Variants in SUMF1 observed in about 807,000 individuals in gnomAD.
SUMF1 encodes the protein sulfatase modifying factor 1.
In SUMF1, 48 loss-of-function variants were observed where a neutral mutation model predicts 47.6. The ratio of observed to expected loss-of-function variants is 1.01; its 90% confidence interval spans 0.80 to 1.28. The LOEUF (loss-of-function observed/expected upper bound fraction) is 1.28, where lower values mean the gene tolerates loss of function less well. Ranked by LOEUF, SUMF1 falls within the 50% of genes most tolerant of loss-of-function variation. SUMF1 has a pLI of 0.00. For synonymous variants in SUMF1, 230 were observed against 192.1 expected, an observed-to-expected ratio of 1.20 and a Z score of -1.63; for missense variants, 571 against 485.4, an observed-to-expected ratio of 1.18 and a Z score of -1.66.
intron 8 of SUMF1, among the ~76,000 whole-genome samples, chr3:4,147,300 C>T (rs1694218276): frequency 6.6e-6 from 1 of 152,086 alleles, no homozygotes; most frequent in South Asian, 2.1e-4. Flanking sequence ...TTTGACCCAG[C>T]CATCCCATTA....
intron 3 of SUMF1, among the ~76,000 whole-genome samples, chr3:4,445,582 T>C (rs711637): frequency 0.39 from 59,419 of 152,012 alleles, 11,782 homozygotes; most frequent in African/African-American, 0.41. Context: ...TGGCCTCAGG[T>C]GAACATCCTG....
chr3:4,400,552 G>A lies in SUMF1; in HGVS notation c.954+10313C>T, dbSNP rs186035676. On this transcript the variant is annotated intron_variant, in intron 7 of 8. Coordinates refer to ENST00000272902, the MANE Select transcript of SUMF1 (RefSeq NM_182760.4). ...TAATCTGGTCTACTAAACAACAAGA[G>A]GCAATGCTGAAGGGGAAAGGATTTT... Among the ~76,000 whole-genome samples, 200 of 152,306 alleles carry A rather than the reference G, an allele frequency of 1.3e-3. 1 individual carries two copies. The highest frequency in any genetic ancestry group is 4.5e-3 in the African/African-American group (189 of 41,556).
intron 8 of SUMF1, among the ~76,000 whole-genome samples, chr3:4,348,323 A>G (rs1229262554): frequency 6.6e-6 from 1 of 152,236 alleles, no homozygotes; most frequent in Non-Finnish European, 1.5e-5. Context: ...CTGGTACCAA[A>G]ACAGACATAT....
chr3:4,434,218 A>G (rs1170755680), intron 3 of SUMF1, among the ~76,000 whole-genome samples: 1 of 152,240 alleles, frequency 6.6e-6, no homozygotes, highest in Admixed American at 6.5e-5. Flanking sequence ...TAACACTGTT[A>G]ATGTACTTAG....
chr3:4,058,387 A>G (rs1453283689), intron 9 of SUMF1, among the ~76,000 whole-genome samples: 1 of 152,172 alleles, frequency 6.6e-6, no homozygotes, highest in Non-Finnish European at 1.5e-5. Flanking sequence ...CTTCGAATGC[A>G]GTAATATTCA....
chr3:4,360,489 C>A (rs1699725248), downstream of SUMF1, among the ~76,000 whole-genome samples: 1 of 151,984 alleles, frequency 6.6e-6, no homozygotes. Flanking sequence ...CCACTCCTGG[C>A]TAAATTTTAT....
At chr3:4,343,986 G>A (rs916131423) in intron 8 of SUMF1, among the ~76,000 whole-genome samples, 3 of 152,154 alleles carry the variant, frequency 2.0e-5, no homozygotes, top group African/African-American at 7.2e-5. Context: ...ACTTTCACAA[G>A]ATATACAAAA....
chr3:4,215,493 G>C (rs780991762), intron 8 of SUMF1, among the ~76,000 whole-genome samples: 2 of 152,146 alleles, frequency 1.3e-5, no homozygotes, highest in Admixed American at 6.5e-5. Flanking sequence ...ACAAGGCAAG[G>C]ATGCCCTCTC....
At chr3:4,186,445 A>C (rs1205079409) in intron 8 of SUMF1, among the ~76,000 whole-genome samples, 1 of 152,174 alleles carries the variant, frequency 6.6e-6, no homozygotes, top group Non-Finnish European at 1.5e-5. Flanking sequence ...TATGCTCTTT[A>C]ACCCTACACA....
chr3:4,072,152 G>C (rs1695542773), intron 8 of SUMF1, among the ~76,000 whole-genome samples: 1 of 152,138 alleles, frequency 6.6e-6, no homozygotes, highest in Non-Finnish European at 1.5e-5. Context: ...CAGGAAAACA[G>C]GGTCTGGAGT....
chr3:4,218,192 C>G (rs564952072), intron 8 of SUMF1, among the ~76,000 whole-genome samples: 2 of 151,918 alleles, frequency 1.3e-5, no homozygotes, highest in South Asian at 4.1e-4. Context: ...AGAGACCTTA[C>G]GAGAAATCAA....
intron 8 of SUMF1, among the ~76,000 whole-genome samples, chr3:4,192,552 TA>T (rs1168210049): frequency 1.3e-5 from 2 of 152,138 alleles, no homozygotes; most frequent in Admixed American, 1.3e-4. Flanking sequence ...TATTGTATAA[TA>T]AAGAATTTGT....
intron 8 of SUMF1, among the ~76,000 whole-genome samples, chr3:4,235,562 AT>A (rs1320792048): frequency 6.6e-6 from 1 of 152,130 alleles, no homozygotes; most frequent in Non-Finnish European, 1.5e-5. Context: ...AGTGCTAAAA[AT>A]TATAATTAGG....
chr3:4,230,856 C>A (rs1696283307), intron 8 of SUMF1, among the ~76,000 whole-genome samples: 1 of 152,058 alleles, frequency 6.6e-6, no homozygotes, highest in Non-Finnish European at 1.5e-5. Context: ...GGCTTTAGGA[C>A]CTGTGTACAA....
At chr3:4,145,511 TC>T (rs1694173584) in intron 8 of SUMF1, among the ~76,000 whole-genome samples, 1 of 152,138 alleles carries the variant, frequency 6.6e-6, no homozygotes, top group South Asian at 2.1e-4. Context: ...AAATCTGCTT[TC>T]TTCTCCTACA....
intron 8 of SUMF1, among the ~76,000 whole-genome samples, chr3:4,296,643 A>G (rs1256101824): frequency 6.6e-6 from 1 of 152,148 alleles, no homozygotes; most frequent in African/African-American, 2.4e-5. Context: ...CCCTGATTCA[A>G]TTACCTCCCA....
At chr3:4,379,599 TGGTCAAGAGATGGAGGTCAAGAGATCAA>T (rs1352231837) in intron 7 of SUMF1, among the ~76,000 whole-genome samples, 17 of 152,088 alleles carry the variant, frequency 1.1e-4, no homozygotes, top group African/African-American at 4.1e-4. Flanking sequence ...GGCCAAGAGA[TGGTCAAGAGATGGAGGTCAAGAGATCAA>T]GGTCAAGAGA....
intron 8 of SUMF1, among the ~76,000 whole-genome samples, chr3:4,134,525 T>C (rs971583550): frequency 4.6e-5 from 7 of 152,032 alleles, no homozygotes; most frequent in South Asian, 4.1e-4. Flanking sequence ...AGGAAAGATC[T>C]AAAATTGACA....
intron 8 of SUMF1, among the ~76,000 whole-genome samples, chr3:4,278,113 C>G (rs6779236): frequency 1.3e-5 from 2 of 152,000 alleles, no homozygotes; most frequent in Middle Eastern, 3.4e-3. Flanking sequence ...ATTTTTGGCA[C>G]GTTTATTTTC....
Sources: allele counts gnomAD v4.1 joint callset (sites outside exome capture counted in the v4.1 genomes callset), GRCh38; gene constraint gnomAD v4.1.1; transcripts MANE v1.5; gene names NCBI Gene and HGNC (gene_info 2026-07-23, HGNC 2026-07-21).